Variants in NEBL observed in about 807,000 individuals in gnomAD.
The protein encoded by NEBL is LIM and SH3 protein 2.
NEBL carries 122 observed loss-of-function variants against 140.2 expected under a neutral mutation model. That is an observed-to-expected ratio of 0.87 (90% CI 0.75 to 1.01). NEBL has a LOEUF of 1.01. Among genes scored for constraint, NEBL ranks in the 50% least tolerant of loss-of-function variants. The pLI, the probability that NEBL is intolerant of heterozygous loss-of-function variation, is 0.00. For missense variants in NEBL, 1,365 were observed against 1,231.3 expected (o/e 1.11, Z -1.62); for synonymous variants, 436 against 398.9 (o/e 1.09, Z -1.11).
intron 2 of NEBL, chr10:21,146,378 G>GA: frequency 2.5e-6 from 4 of 1,612,386 alleles, no homozygotes; most frequent in Non-Finnish European, 3.4e-6. Context: ...AGCCACACAA[G>GA]AAAAAAATGA....
chr10:20,802,144 T>C (rs1454157704), intron 26 of NEBL, among the ~76,000 whole-genome samples: 3 of 152,044 alleles, frequency 2.0e-5, no homozygotes, highest in African/African-American at 4.8e-5. Context: ...TGCAAGCACA[T>C]ACGAATACTT....
chr10:21,060,563 G>A (rs1420416462), intron 2 of NEBL, among the ~76,000 whole-genome samples: 1 of 151,808 alleles, frequency 6.6e-6, no homozygotes, highest in Non-Finnish European at 1.5e-5. Flanking sequence ...CCCTCTACTG[G>A]CTCATATATT....
chr10:20,832,141 C>A (rs72785580), intron 14 of NEBL, among the ~76,000 whole-genome samples: 1 of 152,304 alleles, frequency 6.6e-6, no homozygotes, highest in Non-Finnish European at 1.5e-5. Flanking sequence ...TGCCACTGGA[C>A]AAGTCAATGT....
At chr10:21,076,612 C>G (rs975445255) in intron 2 of NEBL, among the ~76,000 whole-genome samples, 2 of 152,022 alleles carry the variant, frequency 1.3e-5, no homozygotes, top group African/African-American at 4.8e-5. Flanking sequence ...AAGCAACCCA[C>G]GTGTCCATCA....
At chr10:21,020,257 C>G in intron 2 of NEBL, 1 of 1,446,928 alleles carries the variant, frequency 6.9e-7, no homozygotes, top group South Asian at 1.1e-5. Context: ...CAAAACAACA[C>G]TTTCACACCC....
chr10:21,244,981 A>G (rs1325083251), intron 3 of NEBL, among the ~76,000 whole-genome samples: 2 of 150,270 alleles, frequency 1.3e-5, no homozygotes, highest in African/African-American at 4.9e-5. Context: ...ACACAGCAAG[A>G]TGCTGTCTCT....
chr10:21,284,387 A>C, intron 1 of NEBL, among the ~76,000 whole-genome samples: 1 of 151,832 alleles, frequency 6.6e-6, no homozygotes, highest in East Asian at 1.9e-4. Flanking sequence ...CTCTTCCTGC[A>C]GCCCACCCTC....
intron 9 of NEBL, among the ~76,000 whole-genome samples, chr10:20,856,512 A>G (rs980582652): frequency 2.6e-5 from 4 of 152,222 alleles, no homozygotes; most frequent in African/African-American, 9.6e-5. Flanking sequence ...ACTGGATGCC[A>G]AAGAATGAAT....
chr10:21,158,782 C>T (rs1404680647), intron 2 of NEBL, among the ~76,000 whole-genome samples: 1 of 152,158 alleles, frequency 6.6e-6, no homozygotes, highest in African/African-American at 2.4e-5. Context: ...CGTTTTGGAT[C>T]TTTTCTAGTT....
chr10:20,910,423 C>T (rs953770085), intron 4 of NEBL, among the ~76,000 whole-genome samples: 2 of 152,196 alleles, frequency 1.3e-5, no homozygotes, highest in African/African-American at 4.8e-5. Context: ...TTGTAGTCCA[C>T]AATGACTGAT....
In NEBL at chr10:20,841,961, C is replaced by T. The variant is rs184944883; in HGVS notation, c.1228-1112G>A. Among the ~76,000 whole-genome samples the T allele has an allele frequency of 3.9e-3, 593 of 152,224 alleles. 7 individuals are homozygous for T. The highest frequency in any genetic ancestry group is 0.014 in the African/African-American group (572 of 41,564). On this transcript the variant is annotated intron_variant, in intron 12 of 27. Coordinates refer to ENST00000377122, the MANE Select transcript of NEBL (RefSeq NM_006393.3). ...GCCTTCTATGAATACTTACATACAA[C>T]TTATTTTTCTCTGCTAATGAGTTGC...
intron 4 of NEBL, among the ~76,000 whole-genome samples, chr10:20,944,510 T>C (rs1835060539): frequency 6.6e-6 from 1 of 152,250 alleles, no homozygotes; most frequent in Non-Finnish European, 1.5e-5. Flanking sequence ...TTTCTGTGTT[T>C]GCATGAGAAC....
rs56201636 is a variant in NEBL at position 21,156,258 on chromosome 10, G to C, written c.164+16125C>G. Reference sequence around the variant, plus strand: ...TTCCATTTGGCATCTTTTTGGTGTGGTTGTAAGCACGGGGCAAAAAAGTAC... The same window carrying C: ...TTCCATTTGGCATCTTTTTGGTGTGCTTGTAAGCACGGGGCAAAAAAGTAC... On this transcript the variant is annotated intron_variant, in intron 2 of 6. Transcript: ENST00000417816. Among the ~76,000 whole-genome samples, 570 of 152,284 alleles carry C rather than the reference G, an allele frequency of 3.7e-3. 4 individuals are homozygous for C. Among genetic ancestry groups the C allele is most frequent in the African/African-American group, 0.013 (541 of 41,556 alleles).
intron 2 of NEBL, among the ~76,000 whole-genome samples, chr10:21,039,421 C>T (rs1203252372): frequency 2.0e-5 from 3 of 152,056 alleles, no homozygotes; most frequent in African/African-American, 7.3e-5. Context: ...AAGGACGGGT[C>T]CAGTTTCTGT....
intron 4 of NEBL, among the ~76,000 whole-genome samples, chr10:20,916,496 TC>T (rs1848564064): frequency 1.3e-5 from 2 of 152,276 alleles, no homozygotes; most frequent in South Asian, 4.1e-4. Context: ...AACCTTCACC[TC>T]CCAGGCTCAA....
chr10:21,202,359 C>T (rs543535414), intron 3 of NEBL, among the ~76,000 whole-genome samples: 1 of 151,974 alleles, frequency 6.6e-6, no homozygotes, highest in East Asian at 1.9e-4. Flanking sequence ...TCTGTGCCCA[C>T]TTCTTGACTC....
chr10:20,872,352 A>G (rs1845032360), intron 5 of NEBL, among the ~76,000 whole-genome samples: 1 of 152,170 alleles, frequency 6.6e-6, no homozygotes, highest in African/African-American at 2.4e-5. Context: ...GCGCCTGATC[A>G]CTTGTCAGAT....
At chr10:20,972,221 C>T (rs542384724) in intron 3 of NEBL, among the ~76,000 whole-genome samples, 7 of 152,256 alleles carry the variant, frequency 4.6e-5, no homozygotes, top group South Asian at 2.1e-4. Context: ...CTCAAAGTCT[C>T]GTCACAGCTG....
At chr10:20,787,033 T>G (rs146796283) in intron 27 of NEBL, among the ~76,000 whole-genome samples, 169 bp downstream of exon 27, 4 of 152,374 alleles carry the variant, frequency 2.6e-5, no homozygotes, top group Non-Finnish European at 5.9e-5. Context: ...AGTTTACCTC[T>G]GTAAGTTTTT....
Sources: gnomAD v4.1 joint callset for allele counts (sites outside exome capture counted in the v4.1 genomes callset) on GRCh38, gnomAD v4.1.1 for gene constraint, MANE v1.5 for transcripts, NCBI Gene and HGNC (gene_info 2026-07-23, HGNC 2026-07-21) for gene names.